Variants in NPAS3 observed in about 807,000 individuals in gnomAD.
The protein encoded by NPAS3 is neuronal PAS domain-containing protein 3.
NPAS3 carries 14 observed loss-of-function variants against 73.1 expected under a neutral mutation model. The ratio of observed to expected loss-of-function variants is 0.19; its 90% confidence interval spans 0.13 to 0.30. NPAS3 has a LOEUF of 0.30. Ranked by LOEUF, NPAS3 falls within the 10% of genes least tolerant of loss-of-function variation. The pLI, the probability that NPAS3 is intolerant of heterozygous loss-of-function variation, is 1.00. For missense variants in NPAS3, 1,096 were observed against 1,250.0 expected, an observed-to-expected ratio of 0.88 and a Z score of 1.86; for synonymous variants, 620 against 541.5, an observed-to-expected ratio of 1.14 and a Z score of -2.01.
intron 4 of NPAS3, among the ~76,000 whole-genome samples, chr14:33,371,453 G>A (rs2046083562): frequency 6.6e-6 from 1 of 152,090 alleles, no homozygotes; most frequent in African/African-American, 2.4e-5. Context: ...TGTGCATATT[G>A]GAAAAGAGAT....
At chr14:33,523,314 G>T (rs976157339) in intron 4 of NPAS3, among the ~76,000 whole-genome samples, 2 of 152,146 alleles carry the variant, frequency 1.3e-5, no homozygotes, top group Middle Eastern at 3.4e-3. Context: ...CTTAGGAATA[G>T]TTATCTGACA....
chr14:33,569,493 C>T (rs1283428202), intron 5 of NPAS3, among the ~76,000 whole-genome samples: 1 of 152,106 alleles, frequency 6.6e-6, no homozygotes, highest in Non-Finnish European at 1.5e-5. Flanking sequence ...TTTAGATTTT[C>T]ATCTAGGTTT....
chr14:33,791,114 G>A (rs1431880744), intron 9 of NPAS3, among the ~76,000 whole-genome samples: 1 of 152,150 alleles, frequency 6.6e-6, no homozygotes, highest in Non-Finnish European at 1.5e-5. Context: ...CTACCCTTTA[G>A]GAATTCTGCC....
chr14:33,276,576 C>T (rs1177964169), intron 3 of NPAS3, among the ~76,000 whole-genome samples: 1 of 152,092 alleles, frequency 6.6e-6, no homozygotes, highest in Admixed American at 6.6e-5. Context: ...TTTACCACTT[C>T]CTAACTCTGA....
chr14:33,277,789 G>T (rs1427622303), intron 3 of NPAS3, among the ~76,000 whole-genome samples: 1 of 152,220 alleles, frequency 6.6e-6, no homozygotes, highest in African/African-American at 2.4e-5. Context: ...GTAGTAGCCA[G>T]GACCAGACAG....
At chr14:33,018,201 A>C (rs1244889444) in intron 1 of NPAS3, among the ~76,000 whole-genome samples, 1 of 152,224 alleles carries the variant, frequency 6.6e-6, no homozygotes, top group Non-Finnish European at 1.5e-5. Context: ...AAGTTTGGAA[A>C]AGTGGAAACT....
intron 4 of NPAS3, among the ~76,000 whole-genome samples, chr14:33,395,156 T>G (rs1259052202): frequency 1.3e-5 from 2 of 152,178 alleles, no homozygotes; most frequent in Non-Finnish European, 2.9e-5. Flanking sequence ...TAGAGAAACT[T>G]CTTCAGAGAG....
intron 3 of NPAS3, among the ~76,000 whole-genome samples, chr14:33,252,603 A>T (rs903869189): frequency 1.9e-4 from 29 of 151,584 alleles, no homozygotes; most frequent in African/African-American, 7.0e-4. Flanking sequence ...TTTCATTACT[A>T]TTACATATGT....
chr14:33,609,377 T>C (rs1053087647), intron 5 of NPAS3, among the ~76,000 whole-genome samples: 7 of 152,214 alleles, frequency 4.6e-5, no homozygotes, highest in African/African-American at 1.7e-4. Flanking sequence ...TGAAGGATGC[T>C]TGCTGCTGCT....
At chr14:32,971,146 A>T (rs1282036327) in intron 1 of NPAS3, among the ~76,000 whole-genome samples, 2 of 149,798 alleles carry the variant, frequency 1.3e-5, no homozygotes, top group Admixed American at 6.7e-5. Flanking sequence ...GGGCAGTGGC[A>T]TAATCTCGGC....
intron 4 of NPAS3, among the ~76,000 whole-genome samples, chr14:33,372,001 T>C (rs1404598011): frequency 6.6e-6 from 1 of 152,074 alleles, no homozygotes; most frequent in Non-Finnish European, 1.5e-5. Flanking sequence ...AACACTAGGG[T>C]CATAGCACTG....
intron 1 of NPAS3, among the ~76,000 whole-genome samples, chr14:32,960,702 G>A (rs1031483209): frequency 6.6e-6 from 1 of 152,004 alleles, no homozygotes; most frequent in African/African-American, 2.4e-5. Flanking sequence ...TCATTTCATG[G>A]CCATGAATTT....
chr14:33,605,263 G>A (rs764580652), intron 5 of NPAS3, among the ~76,000 whole-genome samples: 3 of 151,656 alleles, frequency 2.0e-5, no homozygotes, highest in African/African-American at 4.8e-5. Flanking sequence ...GGTGAAAAAC[G>A]GAATGCCCTT....
chr14:33,774,821 C>T (rs1158230902), intron 8 of NPAS3, among the ~76,000 whole-genome samples: 1 of 152,144 alleles, frequency 6.6e-6, no homozygotes. Flanking sequence ...GGCTTAGATG[C>T]CATTGGCAAA....
At chr14:33,682,854 G>C (rs551923732) in intron 6 of NPAS3, among the ~76,000 whole-genome samples, 1 of 152,280 alleles carries the variant, frequency 6.6e-6, no homozygotes, top group Admixed American at 6.5e-5. Context: ...CTTCCCACTA[G>C]GCTCTCCTGG....
intron 4 of NPAS3, among the ~76,000 whole-genome samples, chr14:33,399,603 C>G (rs2047365096): frequency 6.6e-6 from 1 of 151,796 alleles, no homozygotes; most frequent in Admixed American, 6.6e-5. Flanking sequence ...AATTCATTTA[C>G]TAAGTCCTTT....
chr14:33,617,037 T>A (rs958493379), intron 5 of NPAS3, among the ~76,000 whole-genome samples: 3 of 152,226 alleles, frequency 2.0e-5, no homozygotes, highest in Non-Finnish European at 4.4e-5. Context: ...TCCCAAAGGC[T>A]AAAAGATGAA....
chr14:33,727,406 A>G (rs2061297756), intron 6 of NPAS3, among the ~76,000 whole-genome samples: 1 of 152,190 alleles, frequency 6.6e-6, no homozygotes, highest in Non-Finnish European at 1.5e-5. Flanking sequence ...TTTGTAGCTC[A>G]TAATAACTAT....
At chr14:33,015,642 T>C (rs79265001) in intron 1 of NPAS3, among the ~76,000 whole-genome samples, 5,379 of 152,258 alleles carry the variant, frequency 0.035, 163 homozygotes, top group South Asian at 0.074. Flanking sequence ...ATGTATTATA[T>C]AGATGCACAT....
Sources: allele counts gnomAD v4.1 joint callset (sites outside exome capture counted in the v4.1 genomes callset), GRCh38; gene constraint gnomAD v4.1.1; transcripts MANE v1.5; gene names NCBI Gene and HGNC (gene_info 2026-07-23, HGNC 2026-07-21).